The following DNAH3 variants were observed in gnomAD, a reference collection of about 807,000 sequenced individuals.
DNAH3 encodes axonemal beta dynein heavy chain 3.
In DNAH3, 332 loss-of-function variants were observed where a neutral mutation model predicts 432.5. The ratio of observed to expected loss-of-function variants is 0.77; its 90% CI spans 0.70 to 0.84. The LOEUF (loss-of-function observed/expected upper bound fraction) is 0.84, where lower values mean the gene tolerates loss of function less well. Among genes scored for constraint, DNAH3 ranks in the 40% least tolerant of loss-of-function variants. The probability of loss-of-function intolerance (pLI) is 0.00; values close to 1 mark genes in which losing one functional copy is unlikely to be tolerated. For synonymous variants in DNAH3, 1,956 were observed against 1,900.2 expected (o/e 1.03, Z -0.76); for missense variants, 4,861 against 5,114.0 (o/e 0.95, Z 1.51).
At chr16:21,119,271 T>C (rs1339119459) in intron 11 of DNAH3, among the ~76,000 whole-genome samples, 1 of 152,186 alleles carries the variant, frequency 6.6e-6, no homozygotes, top group African/African-American at 2.4e-5. Flanking sequence ...GAAATACCTC[T>C]TGCTGCTCTT....
At chr16:21,151,058 A>G (rs1440405481) in intron 1 of DNAH3, among the ~76,000 whole-genome samples, 1 of 152,186 alleles carries the variant, frequency 6.6e-6, no homozygotes, top group Admixed American at 6.5e-5. Context: ...AGACCTTTGG[A>G]GACGTCGAAA....
intron 49 of DNAH3, 28 bp downstream of exon 49, chr16:20,982,693 A>G (rs894207452): frequency 6.3e-6 from 10 of 1,592,358 alleles, no homozygotes; most frequent in African/African-American, 1.3e-5. Flanking sequence ...TGGAATATCT[A>G]GAGTCCTAAA....
At chr16:20,959,655 A>ACACC (rs1255993549) in intron 53 of DNAH3, among the ~76,000 whole-genome samples, 66 of 138,274 alleles carry the variant, frequency 4.8e-4, no homozygotes, top group African/African-American at 1.7e-3. Context: ...ACACACACAC[A>ACACC]CCCCAACACA....
At chr16:21,139,320 C>CTTTTTTTTTTTTTTTTTTGTTTTTTTT (rs2092687558) in intron 5 of DNAH3, among the ~76,000 whole-genome samples, 1 of 29,616 alleles carries the variant, frequency 3.4e-5, no homozygotes, top group Non-Finnish European at 5.3e-5. Flanking sequence ...TTTCCTCATG[C>CTTTTTTTTTTTTTTTTTTGTTTTTTTT]TTTTTTTTTT....
intron 44 of DNAH3, among the ~76,000 whole-genome samples, chr16:20,995,030 G>A (rs1476415387): frequency 1.3e-5 from 2 of 152,160 alleles, no homozygotes; most frequent in South Asian, 2.1e-4. Flanking sequence ...GACCTCCCAA[G>A]GTTCAAGCGA....
chr16:21,152,560 C>G (rs548404462), intron 1 of DNAH3, among the ~76,000 whole-genome samples: 2 of 152,256 alleles, frequency 1.3e-5, no homozygotes, highest in South Asian at 4.1e-4. Context: ...TGGGCAAGGC[C>G]GAAGCCGGCT....
intron 27 of DNAH3, among the ~76,000 whole-genome samples, chr16:21,057,821 G>A (rs764273554): frequency 6.6e-6 from 1 of 152,136 alleles, no homozygotes; most frequent in South Asian, 2.1e-4. Flanking sequence ...TTAGCCCCCA[G>A]AAGCCAAGGG....
At chr16:20,976,536 AG>A (rs2085597802) in intron 50 of DNAH3, among the ~76,000 whole-genome samples, 1 of 152,256 alleles carries the variant, frequency 6.6e-6, no homozygotes. Flanking sequence ...AAGGCTATGA[AG>A]AAAAAAGACA....
At chr16:20,947,450 G>A (rs1254635583) in intron 57 of DNAH3, among the ~76,000 whole-genome samples, 1 of 152,216 alleles carries the variant, frequency 6.6e-6, no homozygotes, top group East Asian at 1.9e-4. Context: ...GGGGAGTGGT[G>A]AGAACCCCAA....
chr16:20,963,867 G>A (rs762933596), exon 53 of DNAH3: 150 of 1,613,908 alleles, frequency 9.3e-5, no homozygotes, highest in South Asian at 5.5e-4. Context: ...TCAGTTCCTC[G>A]CTCTTCGTGC....
At chr16:20,965,564 C>T in intron 52 of DNAH3, 139 bp from the exon 53 acceptor site, 1 of 646,876 alleles carries the variant, frequency 1.5e-6, no homozygotes, top group Non-Finnish European at 2.4e-6. Context: ...CTCATCAACC[C>T]CATCTCTGCC....
At chr16:20,970,564 A>G (rs2085291775) in intron 51 of DNAH3, among the ~76,000 whole-genome samples, 1 of 152,180 alleles carries the variant, frequency 6.6e-6, no homozygotes. Flanking sequence ...TCACATAGGC[A>G]TTGTTACCAC....
At chr16:21,151,936 C>A (rs1315986018) in intron 1 of DNAH3, among the ~76,000 whole-genome samples, 1 of 151,806 alleles carries the variant, frequency 6.6e-6, no homozygotes, top group Non-Finnish European at 1.5e-5. Context: ...GATAAGGAAT[C>A]AAAACTGAGA....
At chr16:20,962,035 C>T (rs1280008639) in intron 53 of DNAH3, among the ~76,000 whole-genome samples, 1 of 151,740 alleles carries the variant, frequency 6.6e-6, no homozygotes, top group Non-Finnish European at 1.5e-5. Context: ...GCAGCACGTG[C>T]CTGTAATCCC....
chr16:21,035,816 T>G (rs1391284955), intron 35 of DNAH3, among the ~76,000 whole-genome samples: 2 of 152,194 alleles, frequency 1.3e-5, no homozygotes, highest in African/African-American at 4.8e-5. Flanking sequence ...AATGATTGTT[T>G]TTACCACAAG....
chr16:20,947,461 C>G (rs1006488879), intron 57 of DNAH3, among the ~76,000 whole-genome samples: 1 of 152,130 alleles, frequency 6.6e-6, no homozygotes, highest in African/African-American at 2.4e-5. Context: ...AGAACCCCAA[C>G]GTGAAGCTGG....
chr16:20,965,237 C>T, exon 53 of DNAH3: 1 of 1,613,200 alleles, frequency 6.2e-7, no homozygotes, highest in South Asian at 1.1e-5. Context: ...TTGCACAGAC[C>T]CTCGCAGGCC....
chr16:21,117,819 C>A (rs1377636293), intron 11 of DNAH3, among the ~76,000 whole-genome samples: 2 of 152,222 alleles, frequency 1.3e-5, no homozygotes, highest in East Asian at 3.9e-4. Context: ...TTGGTAAGTG[C>A]TCAAAAAATA....
chr16:20,979,776 GTC>G (rs1220443956), intron 49 of DNAH3, among the ~76,000 whole-genome samples: 1 of 152,146 alleles, frequency 6.6e-6, no homozygotes, highest in Non-Finnish European at 1.5e-5. Flanking sequence ...TTGAGACAGT[GTC>G]TCTCTCTGAC....
Sources: gnomAD v4.1 joint callset for allele counts (sites outside exome capture counted in the v4.1 genomes callset) on GRCh38, gnomAD v4.1.1 for gene constraint, MANE v1.5 for transcripts, NCBI Gene and HGNC (gene_info 2026-07-23, HGNC 2026-07-21) for gene names.